Variants in PKHD1 observed in about 807,000 individuals in gnomAD.
The protein encoded by PKHD1 is fibrocystin.
A neutral mutation model predicts 412.0 loss-of-function variants in PKHD1; 291 were observed. The observed-to-expected ratio is 0.71, with a 90% CI of 0.64 to 0.78. The LOEUF is 0.78. Ranked by LOEUF, PKHD1 falls within the 30% of genes least tolerant of loss-of-function variation. The probability of loss-of-function intolerance (pLI) is 0.00; values close to 1 mark genes in which losing one functional copy is unlikely to be tolerated. For missense variants in PKHD1, 4,825 were observed against 4,950.7 expected (o/e 0.97, Z 0.76); for synonymous variants, 1,777 against 1,821.5 (o/e 0.98, Z 0.62).
chr6:51,704,970 G>C (rs1373439365), intron 60 of PKHD1, among the ~76,000 whole-genome samples: 1 of 151,998 alleles, frequency 6.6e-6, no homozygotes, highest in Admixed American at 6.6e-5. Context: ...AGAATATGAA[G>C]AGGAGGCAAT....
At position 51,967,654 on chromosome 6, in the gene PKHD1, A is replaced by ATGTG. The variant is rs35495373; in HGVS notation, c.5752-7632_5752-7629dup. On this transcript the variant is annotated intron_variant, in intron 35 of 66. Transcript: ENST00000371117. ...TGTGGGAAGTTGTGTGTGTGTGTGT[A>ATGTG]TGTGTGTGTGTGTGTGTGTGTGTAT... is the stretch of plus-strand genomic sequence containing the variant. Among the ~76,000 whole-genome samples the ATGTG allele has an allele frequency of 4.3e-3, 626 of 147,242 alleles. 4 individuals are homozygous for ATGTG. The highest frequency in any genetic ancestry group is 0.013 in the South Asian group (62 of 4,716).
intron 27 of PKHD1, among the ~76,000 whole-genome samples, chr6:52,041,988 G>T (rs1261264587): frequency 6.6e-6 from 1 of 152,160 alleles, no homozygotes; most frequent in Non-Finnish European, 1.5e-5. Context: ...GAAGATCAAA[G>T]CCCCTTATAA....
chr6:51,895,586 A>G (rs1446251780), intron 43 of PKHD1, among the ~76,000 whole-genome samples: 1 of 152,068 alleles, frequency 6.6e-6, no homozygotes, highest in African/African-American at 2.4e-5. Context: ...TTTTTGAGCA[A>G]CTACCATGTT....
Position 51,994,183 on chromosome 6 carries a change from G to A in PKHD1, c.5751+16126C>T, listed in dbSNP as rs183546075. Reference sequence around the variant, plus strand: ...ACAGTCTCGCTCTTTCGCCCAGGCCGGAGTGCAGTGGCACTATCTCGGCTC... The same window carrying A: ...ACAGTCTCGCTCTTTCGCCCAGGCCAGAGTGCAGTGGCACTATCTCGGCTC... On this transcript the variant is annotated intron_variant, in intron 35 of 66. Coordinates refer to ENST00000371117, the MANE Select transcript of PKHD1 (RefSeq NM_138694.4). Among the ~76,000 whole-genome samples, 309 of 149,640 alleles carry A rather than the reference G, an allele frequency of 2.1e-3. 3 individuals are homozygous for A. Among genetic ancestry groups the A allele is most frequent in the African/African-American group, 7.0e-3 (284 of 40,812 alleles).
At chr6:51,855,453 C>T (rs1217294373) in intron 49 of PKHD1, among the ~76,000 whole-genome samples, 2 of 152,196 alleles carry the variant, frequency 1.3e-5, no homozygotes, top group Non-Finnish European at 2.9e-5. Context: ...CTTCGATTGG[C>T]AAGTTAATCT....
At chr6:51,982,870 T>TAAAAAA (rs1795702711) in intron 35 of PKHD1, among the ~76,000 whole-genome samples, 1 of 103,678 alleles carries the variant, frequency 9.6e-6, no homozygotes, top group Non-Finnish European at 2.4e-5. Flanking sequence ...TAAAATAAAA[T>TAAAAAA]AAAATAAAAT....
At chr6:51,738,993 A>G (rs1043034435) in intron 60 of PKHD1, among the ~76,000 whole-genome samples, 1 of 150,414 alleles carries the variant, frequency 6.6e-6, no homozygotes. Flanking sequence ...CATCCTTCTC[A>G]TCTCTCCTGG....
At chr6:51,765,640 T>C (rs1788864954) in intron 55 of PKHD1, among the ~76,000 whole-genome samples, 1 of 152,142 alleles carries the variant, frequency 6.6e-6, no homozygotes, top group South Asian at 2.1e-4. Context: ...CCAGCTATTT[T>C]TGATCATATC....
chr6:51,658,850 G>T, intron 61 of PKHD1, 102 bp downstream of exon 61: 1 of 784,368 alleles, frequency 1.3e-6, no homozygotes, highest in South Asian at 1.4e-5. Context: ...AAAAGCAGAT[G>T]AGTTATATGA....
At chr6:51,781,848 T>C (rs1792067287) in intron 53 of PKHD1, among the ~76,000 whole-genome samples, 1 of 151,962 alleles carries the variant, frequency 6.6e-6, no homozygotes, top group African/African-American at 2.4e-5. Flanking sequence ...AGCTAGACAC[T>C]AGACATTTCA....
intron 37 of PKHD1, among the ~76,000 whole-genome samples, chr6:51,930,225 C>T (rs1368956264): frequency 6.6e-6 from 1 of 152,126 alleles, no homozygotes; most frequent in African/African-American, 2.4e-5. Context: ...AAACCCCAGA[C>T]TGCCACTCAG....
At position 51,959,877 on chromosome 6, in the gene PKHD1, G is replaced by GT; in HGVS notation, c.5900dup (p.His1967GlnfsTer3). On this transcript the variant is annotated frameshift_variant, in exon 36 of 67. Coordinates refer to ENST00000371117, the MANE Select transcript of PKHD1 (RefSeq NM_138694.4). LOFTEE classifies it high-confidence loss of function. ...CCTACAAACTTCACACACCTTTAATGTGCAGTAAGTTGAGGATGCTTGTGT... is the reference window on the plus strand; with the variant it reads ...CCTACAAACTTCACACACCTTTAATGTTGCAGTAAGTTGAGGATGCTTGTGT... 3.1e-6 allele frequency: 5 copies of GT among 1,612,820 alleles called. No individual in the cohort carries two copies. Among genetic ancestry groups the GT allele is most frequent in the Non-Finnish European group, 4.2e-6 (5 of 1,179,022 alleles).
intron 37 of PKHD1, among the ~76,000 whole-genome samples, chr6:51,925,631 T>C (rs1785458815): frequency 6.6e-6 from 1 of 152,130 alleles, no homozygotes; most frequent in Non-Finnish European, 1.5e-5. Context: ...ACATTGGTCT[T>C]ATCTGGTCTT....
Position 51,983,391 on chromosome 6 carries a change from A to C in PKHD1, c.5752-23365T>G, listed in dbSNP as rs1411401194. 2.0e-5 allele frequency among the ~76,000 whole-genome samples: 3 copies of C among 152,218 alleles called. No homozygotes were observed. In the East Asian group the frequency reaches 5.8e-4, roughly 29 times the overall value. On this transcript the variant is annotated intron_variant, in intron 35 of 66. Coordinates refer to ENST00000371117, the MANE Select transcript of PKHD1 (RefSeq NM_138694.4). ...GCATATGAGCACATAATCATATCAC[A>C]GTGTGTTTCTCTCTCAAAAGCCGAA...
At chr6:52,047,613 G>A (rs1806069069) in intron 23 of PKHD1, among the ~76,000 whole-genome samples, 3 of 152,142 alleles carry the variant, frequency 2.0e-5, no homozygotes, top group Non-Finnish European at 4.4e-5. Context: ...TGGGACCACT[G>A]AAATCCTCCA....
At chr6:51,634,446 T>G (rs1455450322) in intron 64 of PKHD1, among the ~76,000 whole-genome samples, 1 of 152,208 alleles carries the variant, frequency 6.6e-6, no homozygotes, top group Non-Finnish European at 1.5e-5. Context: ...TAGACTTTAC[T>G]TGGGATTTAC....
rs748353697 is a variant in PKHD1, at chr6:51,883,078, C to T, written c.7350+15G>A. ...TGTGATTGACAGCCTAAAACAACCA[C>T]ACTAAGGCACTTACCTTGTGGGCAA... On this transcript the variant is annotated intron_variant, in intron 46 of 66. Coordinates refer to ENST00000371117, the MANE Select transcript of PKHD1 (RefSeq NM_138694.4). The T allele has an allele frequency of 6.2e-7, 1 of 1,609,900 alleles. No individual in the cohort carries two copies. The highest frequency in any genetic ancestry group is 2.2e-5 in the East Asian group (1 of 44,820).
chr6:51,674,738 A>G (rs2150525053), intron 60 of PKHD1, among the ~76,000 whole-genome samples: 1 of 152,260 alleles, frequency 6.6e-6, no homozygotes, highest in South Asian at 2.1e-4. Flanking sequence ...TCTCTGCACA[A>G]TTTATTGACA....
In PKHD1 at chr6:51,659,123, T is replaced by A. The variant is rs764471876; in HGVS notation, c.11003A>T (p.Asp3668Val). The change falls in exon 61 of 67, where the codon GAT (aspartate) becomes GTT (valine). Residue 3668 changes from aspartate to valine, a missense_variant. Physicochemically the swap from Asp to Val is radical, Grantham distance 152 (BLOSUM62 -3). Coordinates refer to ENST00000371117, the MANE Select transcript of PKHD1 (RefSeq NM_138694.4). Reference sequence around the variant, plus strand: ...TCCAGTGCTCCTTACTGTTGGCGAATCACCAATTTCAATGACAATCACTTT... The same window carrying A: ...TCCAGTGCTCCTTACTGTTGGCGAAACACCAATTTCAATGACAATCACTTT... ...ISKVIVIEIG[D>V]SPTVRSTGMI... 8 of 1,613,880 alleles carry A rather than the reference T, an allele frequency of 5.0e-6. No homozygotes were observed. Among genetic ancestry groups the A allele is most frequent in the Non-Finnish European group, 6.8e-6 (8 of 1,179,882 alleles).
Sources: allele counts gnomAD v4.1 joint callset (sites outside exome capture counted in the v4.1 genomes callset), GRCh38; gene constraint gnomAD v4.1.1; transcripts MANE v1.5; gene names NCBI Gene and HGNC (gene_info 2026-07-23, HGNC 2026-07-21).